HMGB3: variants seen among roughly 807,000 people sequenced by gnomAD.
HMGB3 encodes the protein high mobility group box 3.
A neutral mutation model predicts 12.9 loss-of-function variants in HMGB3; 1 was observed. That is an observed-to-expected ratio of 0.08 (90% confidence interval 0.03 to 0.37). The LOEUF (loss-of-function observed/expected upper bound fraction) is 0.37. Ranked by LOEUF, HMGB3 falls within the 10% of genes least tolerant of loss-of-function variation. The pLI is 0.99. For synonymous variants in HMGB3, 61 were observed against 53.9 expected (o/e 1.13, Z -0.57); for missense variants, 74 against 153.3 (o/e 0.48, Z 2.73).
In HMGB3 at chrX:150,987,134, A is replaced by G. The variant is rs782270357; in HGVS notation, c.297A>G (p.Gly99=). The G allele has an allele frequency of 8.4e-7, 1 of 1,197,528 alleles. No individual in the cohort carries two copies. Among genetic ancestry groups the G allele is most frequent in the East Asian group, 3.0e-5 (1 of 33,516 alleles). The change falls in exon 4 of 5, where the codon GGA becomes GGG. Residue 99 remains glycine, a synonymous_variant. Transcript: ENST00000325307. Reference sequence around the variant, plus strand: ...TGTATGTAATTCTTCCAAGGTCTGGATTCTTCCTGTTCTGTTCAGAATTCC... The same window carrying G: ...TGTATGTAATTCTTCCAAGGTCTGGGTTCTTCCTGTTCTGTTCAGAATTCC... ...DPNAPKRPPS[G]FFLFCSEFRP...
rs562664567 is a variant in HMGB3 at position 150,987,402 on chromosome X, A to G, written c.465+100A>G. ...AGCTTTGCTGGGCTGAGTACTTAGC[A>G]TAGCGCTCAAGGGCCCATCCCCCTG... On this transcript the variant is annotated intron_variant, in intron 4 of 4. Coordinates refer to ENST00000325307, the MANE Select transcript of HMGB3 (RefSeq NM_005342.4). The G allele has an allele frequency of 4.3e-6, 3 of 698,585 alleles. No homozygotes were observed. The South Asian group carries it at 1.1e-4, about 25-fold the overall frequency. The allele number at this position is 698,585 out of a possible 1,213,427, so 57.6% of individuals were successfully genotyped here.
intron 1 of HMGB3, among the ~76,000 whole-genome samples, chrX:150,984,304 C>T (rs1315696629): frequency 7.7e-5 from 7 of 91,092 alleles, no homozygotes; most frequent in Non-Finnish European, 1.1e-4. Context: ...GCCCGGGCCC[C>T]CGAGCCCCCG....
intron 1 of HMGB3, among the ~76,000 whole-genome samples, chrX:150,984,173 G>GCGGGCGGCTCGGAGGGC (rs2048022975): frequency 1.0e-5 from 1 of 96,846 alleles, no homozygotes; most frequent in Non-Finnish European, 2.1e-5. Flanking sequence ...GCGGCCCGGG[G>GCGGGCGGCTCGGAGGGC]CGGGCGGCTC....
upstream of HMGB3, chrX:150,983,205 C>A (rs1253313593): frequency 3.2e-6 from 2 of 634,238 alleles, no homozygotes; most frequent in African/African-American, 2.4e-5. Flanking sequence ...TGGGCGTCCA[C>A]GCCTGCTTAA....
chrX:150,982,701 C>A (rs781789731), upstream of HMGB3, among the ~76,000 whole-genome samples: 1 of 113,415 alleles, frequency 8.8e-6, no homozygotes, highest in African/African-American at 3.2e-5. Flanking sequence ...CCTAGTTGAG[C>A]ACGATCCGCA....
chrX:150,986,243 A>C, intron 3 of HMGB3, 53 bp downstream of exon 3: 1 of 1,025,427 alleles, frequency 9.8e-7, no homozygotes, highest in Middle Eastern at 2.7e-4. Context: ...TTCTGCTTGG[A>C]GGATTTGGTT....
rs1189297134 is a variant in HMGB3, at chrX:150,988,629, A to C, written c.*715A>C. The C allele has an allele frequency of 1.8e-5, 2 of 112,411 alleles. No individual in the cohort carries two copies. The highest frequency in any genetic ancestry group is 6.5e-5 in the African/African-American group (2 of 30,827). 9.3% of individuals were successfully genotyped at this position (112,411 alleles called of 1,213,427 possible). A position where few individuals can be genotyped will look rare whatever the true frequency, so the allele number is the denominator to read the frequency against. ...AACTATAGAACTCTTCATTGTCAGC[A>C]AAGCAAAGAGTCACTGCATCAATGA... On this transcript the variant is annotated 3_prime_UTR_variant, in exon 5 of 5. Transcript: ENST00000325307.
At chrX:150,986,545 G>A (rs781881938) in intron 3 of HMGB3, among the ~76,000 whole-genome samples, 4 of 106,343 alleles carry the variant, frequency 3.8e-5, no homozygotes, top group African/African-American at 1.4e-4. Context: ...ATATATATGC[G>A]CGTATATATA....
upstream of HMGB3, among the ~76,000 whole-genome samples, chrX:150,982,508 A>T (rs1029712093): frequency 8.9e-6 from 1 of 112,503 alleles, no homozygotes; most frequent in Non-Finnish European, 1.9e-5. Context: ...AGGAGAGCAG[A>T]GGGAATGAGG....
chrX:150,982,834 C>T (rs1191725068), upstream of HMGB3, among the ~76,000 whole-genome samples: 1 of 112,966 alleles, frequency 8.9e-6, no homozygotes, highest in East Asian at 2.8e-4. Flanking sequence ...GCGTTTCTGT[C>T]GCGGCGCCGC....
chrX:150,989,226 A>G lies in HMGB3; in HGVS notation c.*1312A>G, dbSNP rs1309524907. 9.0e-6 allele frequency: 1 copy of G among 111,340 alleles called. No homozygotes were observed. Among genetic ancestry groups the G allele is most frequent in the African/African-American group, 3.3e-5 (1 of 30,562 alleles). The allele number at this position is 111,340 out of a possible 1,213,427, so 9.2% of individuals were successfully genotyped here. A position where few individuals can be genotyped will look rare whatever the true frequency, so the allele number is the denominator to read the frequency against. ...CATATCACATTATTTGTGGTGCCCA[A>G]CATTTGGGGTCTTGAGCCTGCTGCT... On this transcript the variant is annotated 3_prime_UTR_variant, in exon 5 of 5. Transcript: ENST00000325307.
chrX:150,981,696 T>C (rs1457195897), upstream of HMGB3, among the ~76,000 whole-genome samples: 1 of 110,894 alleles, frequency 9.0e-6, no homozygotes, highest in African/African-American at 3.3e-5. Flanking sequence ...GATCTCGTGA[T>C]CCGCCTGCCT....
intron 3 of HMGB3, 75 bp downstream of exon 3, chrX:150,986,265 C>T (rs1489996713): frequency 1.2e-6 from 1 of 822,636 alleles, no homozygotes; most frequent in African/African-American, 2.2e-5. Context: ...TTTGGTCGTC[C>T]TGTATTTCAT....
intron 1 of HMGB3, among the ~76,000 whole-genome samples, chrX:150,984,189 G>A (rs1316807171): frequency 2.1e-5 from 2 of 97,355 alleles, no homozygotes; most frequent in Non-Finnish European, 4.2e-5. Flanking sequence ...GGCTCGGAGG[G>A]CCGGGGGCGC....
intron 1 of HMGB3, chrX:150,984,676 C>T (rs1228193547): frequency 2.3e-5 from 11 of 477,127 alleles, no homozygotes; most frequent in African/African-American, 1.3e-4. Context: ...GGCGGGCTGC[C>T]TGCTGCCGGC....
Position 150,990,513 on chromosome X carries a change from G to GC in HMGB3, c.*2602dup, listed in dbSNP as rs1294249874. ...GGCTTAGGCTTAGCTTGATTTCTGG[G>GC]CCCACTGTCTGTGTTCTTAAGATGC... is the stretch of plus-strand genomic sequence containing the variant. On this transcript the variant is annotated 3_prime_UTR_variant, in exon 5 of 5. Coordinates refer to ENST00000325307, the MANE Select transcript of HMGB3 (RefSeq NM_005342.4). 1 of 109,812 alleles carries GC rather than the reference G, an allele frequency of 9.1e-6. No homozygotes were observed. Among genetic ancestry groups the GC allele is most frequent in the Non-Finnish European group, 1.9e-5 (1 of 52,767 alleles). 9.0% of individuals were successfully genotyped at this position (109,812 alleles called of 1,213,427 possible). A position where few individuals can be genotyped will look rare whatever the true frequency, so the allele number is the denominator to read the frequency against.
chrX:150,980,616 G>A (rs782582211), upstream of HMGB3: 12 of 749,541 alleles, frequency 1.6e-5, no homozygotes, highest in South Asian at 1.4e-4. Flanking sequence ...TACTTCCTGC[G>A]CGTAAGCGCA....
rs1557425291 is a variant in HMGB3, at chrX:150,987,842, GA to G, written c.536del (p.Lys179ArgfsTer36). On this transcript the variant is annotated frameshift_variant, in exon 5 of 5. Transcript: ENST00000325307. LOFTEE classifies it high-confidence loss of function. ...GAKGPAKVAR[K>X]KVEEEDEEEE... The stretch of plus-strand genomic sequence containing the variant: ...CAAAGGGTCCTGCTAAAGTTGCCCG[GA>G]AAAAGGTGGAAGAGGAAGATGAAGA... 5 of 1,203,522 alleles carry G rather than the reference GA, an allele frequency of 4.2e-6. No homozygotes were observed.
intron 2 of HMGB3, 40 bp downstream of exon 2, chrX:150,985,789 G>A (rs782564439): frequency 8.9e-7 from 1 of 1,129,903 alleles, no homozygotes. Context: ...TCTTAGTTGG[G>A]TTTCTTACTT....
Sources: allele counts gnomAD v4.1 joint callset (sites outside exome capture counted in the v4.1 genomes callset), GRCh38; gene constraint gnomAD v4.1.1; transcripts MANE v1.5; gene names NCBI Gene and HGNC (gene_info 2026-07-23, HGNC 2026-07-21).